Variants in MACROD2 observed in about 807,000 individuals in gnomAD.
MACROD2 encodes the protein mono-ADP ribosylhydrolase 2, also known as ADP-ribose glycohydrolase MACROD2.
A neutral mutation model predicts 70.4 loss-of-function variants in MACROD2; 36 were observed. The ratio of observed to expected loss-of-function variants is 0.51; its 90% CI spans 0.39 to 0.68. MACROD2 has a LOEUF of 0.68. Ranked by LOEUF, MACROD2 falls within the 30% of genes least tolerant of loss-of-function variation. The pLI, the probability that MACROD2 is intolerant of heterozygous loss-of-function variation, is 0.00. For missense variants in MACROD2, 496 were observed against 538.4 expected, an observed-to-expected ratio of 0.92 and a Z score of 0.78; for synonymous variants, 172 against 178.8, an observed-to-expected ratio of 0.96 and a Z score of 0.30.
chr20:14,342,625 T>C (rs2083025120), intron 3 of MACROD2, among the ~76,000 whole-genome samples: 1 of 152,178 alleles, frequency 6.6e-6, no homozygotes, highest in African/African-American at 2.4e-5. Context: ...CCAAAGGGTA[T>C]TGGAGAAATA....
At chr20:14,003,007 A>G (rs1014025901) in intron 2 of MACROD2, among the ~76,000 whole-genome samples, 2 of 152,220 alleles carry the variant, frequency 1.3e-5, no homozygotes, top group Non-Finnish European at 2.9e-5. Flanking sequence ...AGTTTCTAAA[A>G]ACAACATAAT....
At chr20:15,298,589 G>A (rs1470682483) in intron 6 of MACROD2, among the ~76,000 whole-genome samples, 1 of 152,236 alleles carries the variant, frequency 6.6e-6, no homozygotes, top group Non-Finnish European at 1.5e-5. Context: ...ATGTAGTTAT[G>A]TATGAATGAC....
intron 5 of MACROD2, among the ~76,000 whole-genome samples, chr20:15,026,370 A>G (rs1157885322): frequency 1.3e-5 from 2 of 152,136 alleles, no homozygotes; most frequent in African/African-American, 4.8e-5. Flanking sequence ...ATTTCTAGGT[A>G]TTCTCTTATC....
intron 5 of MACROD2, among the ~76,000 whole-genome samples, chr20:14,762,837 C>T (rs1424053991): frequency 6.6e-6 from 1 of 151,898 alleles, no homozygotes; most frequent in Non-Finnish European, 1.5e-5. Context: ...GGCTGAGGCA[C>T]AAAAACTGCT....
intron 10 of MACROD2, among the ~76,000 whole-genome samples, chr20:15,911,821 C>T (rs1012891997): frequency 2.0e-5 from 3 of 152,154 alleles, no homozygotes; most frequent in Non-Finnish European, 4.4e-5. Flanking sequence ...CTGTTAGCCT[C>T]TGGAAAGCAA....
chr20:15,096,099 G>A (rs73096032), intron 5 of MACROD2, among the ~76,000 whole-genome samples: 31,665 of 152,000 alleles, frequency 0.21, 4,567 homozygotes, highest in Non-Finnish European at 0.31. Flanking sequence ...TAGTAGAACC[G>A]TGAAGGTAGA....
At chr20:14,195,806 C>T (rs1159948615) in intron 3 of MACROD2, among the ~76,000 whole-genome samples, 1 of 152,118 alleles carries the variant, frequency 6.6e-6, no homozygotes, top group African/African-American at 2.4e-5. Context: ...CTTTCTGGCT[C>T]CCCCATCTGC....
chr20:14,263,200 A>G lies in MACROD2; in HGVS notation c.271+177472A>G, dbSNP rs571707011. Among the ~76,000 whole-genome samples, 5 of 152,304 alleles carry G rather than the reference A, an allele frequency of 3.3e-5. No individual in the cohort carries two copies. In the South Asian group the frequency reaches 1.0e-3, roughly 32 times the overall value. On this transcript the variant is annotated intron_variant, in intron 3 of 17. Transcript: ENST00000684519. Reference sequence around the variant, plus strand: ...TAGGCATATCAGTCAAGTTATAACTATCCCCAAAAGAAGCCACTTAAAGTG... The same window carrying G: ...TAGGCATATCAGTCAAGTTATAACTGTCCCCAAAAGAAGCCACTTAAAGTG...
At chr20:14,653,857 C>G (rs1339547685) in intron 4 of MACROD2, among the ~76,000 whole-genome samples, 1 of 152,112 alleles carries the variant, frequency 6.6e-6, no homozygotes, top group East Asian at 1.9e-4. Context: ...TTTAGAATAC[C>G]TCTGAGGCAT....
At chr20:15,475,201 A>G (rs6043308) in intron 7 of MACROD2, among the ~76,000 whole-genome samples, 15,080 of 152,178 alleles carry the variant, frequency 0.099, 843 homozygotes, top group Non-Finnish European at 0.13. Context: ...CAGAGACTTG[A>G]GCATCTGTGG....
intron 3 of MACROD2, among the ~76,000 whole-genome samples, chr20:14,419,182 G>A (rs942258713): frequency 1.3e-5 from 2 of 152,064 alleles, no homozygotes; most frequent in Non-Finnish European, 2.9e-5. Flanking sequence ...AGCCTCCTAA[G>A]TAGCTGGGAT....
chr20:15,217,075 C>CA (rs1463410866), intron 5 of MACROD2, among the ~76,000 whole-genome samples: 2 of 152,002 alleles, frequency 1.3e-5, no homozygotes, highest in Admixed American at 6.6e-5. Flanking sequence ...CCCGCAACAA[C>CA]AAAAAATGAG....
Position 14,043,111 on chromosome 20 carries a change from G to A in MACROD2, c.163+40707G>A, listed in dbSNP as rs1430917763. On this transcript the variant is annotated intron_variant, in intron 2 of 17. Coordinates refer to ENST00000684519, the MANE Select transcript of MACROD2 (RefSeq NM_001351661.2). ...TTTTTAAATTTTTTTGTAGAGATGG[G>A]GTCTTACTATGTTGCCTGGGCTGGT... Among the ~76,000 whole-genome samples the A allele has an allele frequency of 3.3e-5, 5 of 152,052 alleles. No individual in the cohort carries two copies. In the East Asian group the frequency reaches 9.7e-4, roughly 29 times the overall value.
intron 5 of MACROD2, among the ~76,000 whole-genome samples, chr20:15,151,948 G>C (rs1837553954): frequency 6.6e-6 from 1 of 151,874 alleles, no homozygotes. Context: ...AGGAAGATTA[G>C]AAAGACTCAG....
At chr20:15,610,253 GCC>G (rs2048948525) in intron 8 of MACROD2, among the ~76,000 whole-genome samples, 1 of 151,932 alleles carries the variant, frequency 6.6e-6, no homozygotes, top group Non-Finnish European at 1.5e-5. Context: ...GATCTTAGTT[GCC>G]TAGAGCACCA....
chr20:14,483,974 A>G (rs2084691923), intron 3 of MACROD2, among the ~76,000 whole-genome samples: 1 of 152,196 alleles, frequency 6.6e-6, no homozygotes, highest in Admixed American at 6.5e-5. Context: ...TCTGTCAGAA[A>G]TTGAAACTAA....
At chr20:14,157,530 A>G (rs1376206715) in intron 3 of MACROD2, among the ~76,000 whole-genome samples, 1 of 151,952 alleles carries the variant, frequency 6.6e-6, no homozygotes, top group African/African-American at 2.4e-5. Flanking sequence ...CCCATTAACC[A>G]ACCTCTCTTC....
intron 8 of MACROD2, among the ~76,000 whole-genome samples, chr20:15,531,840 A>G (rs975979924): frequency 6.6e-6 from 1 of 152,178 alleles, no homozygotes; most frequent in African/African-American, 2.4e-5. Context: ...TTACATACCA[A>G]AGATCGAATA....
At position 14,582,599 on chromosome 20, in the gene MACROD2, A is replaced by G. The variant is rs1395343783; in HGVS notation, c.301+89091A>G. Reference sequence around the variant, plus strand: ...ATGGGAGAGATTTTTGCAGAGAGAAAAATGGTGCTAATGCAGTGTGATACA... The same window carrying G: ...ATGGGAGAGATTTTTGCAGAGAGAAGAATGGTGCTAATGCAGTGTGATACA... On this transcript the variant is annotated intron_variant, in intron 4 of 17. Coordinates refer to ENST00000684519, the MANE Select transcript of MACROD2 (RefSeq NM_001351661.2). 2.0e-5 allele frequency among the ~76,000 whole-genome samples: 3 copies of G among 152,190 alleles called. No homozygotes were observed. The East Asian group carries it at 5.8e-4, about 29-fold the overall frequency.
Sources: gnomAD v4.1 joint callset for allele counts (sites outside exome capture counted in the v4.1 genomes callset) on GRCh38, gnomAD v4.1.1 for gene constraint, MANE v1.5 for transcripts, NCBI Gene and HGNC (gene_info 2026-07-23, HGNC 2026-07-21) for gene names.